The following PKNOX2 variants were observed in gnomAD, a reference collection of about 807,000 sequenced individuals.
PKNOX2 encodes PBX/knotted 1 homeobox 2.
A neutral mutation model predicts 53.1 loss-of-function variants in PKNOX2; 14 were observed. The ratio of observed to expected loss-of-function variants is 0.26; its 90% confidence interval spans 0.17 to 0.41. The LOEUF is 0.41. Ranked by LOEUF, PKNOX2 falls within the 10% of genes least tolerant of loss-of-function variation. The probability of loss-of-function intolerance (pLI) is 1.00; values close to 1 mark genes in which losing one functional copy is unlikely to be tolerated. For missense variants in PKNOX2, 496 were observed against 602.8 expected (o/e 0.82, Z 1.85); for synonymous variants, 257 against 242.8 (o/e 1.06, Z -0.54).
intron 2 of PKNOX2, among the ~76,000 whole-genome samples, chr11:125,262,952 C>T (rs889882573): frequency 1.3e-5 from 2 of 152,212 alleles, no homozygotes; most frequent in Non-Finnish European, 2.9e-5. Flanking sequence ...TCGCCCTCCC[C>T]GAGGTTGTGC....
chr11:125,414,060 AC>A (rs1339772688), intron 10 of PKNOX2, among the ~76,000 whole-genome samples: 14 of 151,912 alleles, frequency 9.2e-5, no homozygotes, highest in Non-Finnish European at 1.6e-4. Flanking sequence ...CTCACCTGGG[AC>A]CTCGGTTCAT....
At chr11:125,316,886 A>G (rs80071002) in intron 2 of PKNOX2, among the ~76,000 whole-genome samples, 4,422 of 152,320 alleles carry the variant, frequency 0.029, 159 homozygotes, top group East Asian at 0.18. Flanking sequence ...CCGTCTCACA[A>G]AAGATTTCTC....
chr11:125,284,227 C>A (rs1327763999), intron 2 of PKNOX2, among the ~76,000 whole-genome samples: 1 of 152,232 alleles, frequency 6.6e-6, no homozygotes, highest in Non-Finnish European at 1.5e-5. Flanking sequence ...ACACCACTGA[C>A]TTCCCTCCTA....
chr11:125,186,118 T>TC (rs1190672608), intron 1 of PKNOX2, among the ~76,000 whole-genome samples: 1 of 438 alleles, frequency 2.3e-3, no homozygotes, highest in Non-Finnish European at 5.3e-3. Flanking sequence ...TATCTCGTTA[T>TC]GGTTTGATTT....
At chr11:125,394,824 A>C (rs755362954) in intron 6 of PKNOX2, among the ~76,000 whole-genome samples, 10 of 152,232 alleles carry the variant, frequency 6.6e-5, no homozygotes, top group Non-Finnish European at 1.0e-4. Flanking sequence ...ATTTTGATAT[A>C]AATGTAGATT....
intron 10 of PKNOX2, among the ~76,000 whole-genome samples, chr11:125,415,062 T>C (rs1955798209): frequency 6.6e-6 from 1 of 152,152 alleles, no homozygotes; most frequent in Non-Finnish European, 1.5e-5. Context: ...CTTGCATCTC[T>C]GACTCTGTTG....
At chr11:125,404,762 AC>A (rs1954972458) in intron 7 of PKNOX2, among the ~76,000 whole-genome samples, 2 of 151,752 alleles carry the variant, frequency 1.3e-5, no homozygotes, top group South Asian at 4.2e-4. Flanking sequence ...TCAGAGAAAG[AC>A]CCCTCTTTCC....
chr11:125,202,291 C>T (rs1232027392), intron 1 of PKNOX2, among the ~76,000 whole-genome samples: 1 of 152,200 alleles, frequency 6.6e-6, no homozygotes, highest in Non-Finnish European at 1.5e-5. Context: ...TGCCCCTTTG[C>T]TTGCCCTGCC....
chr11:125,179,273 A>G (rs879589855), intron 1 of PKNOX2, among the ~76,000 whole-genome samples: 2 of 152,222 alleles, frequency 1.3e-5, no homozygotes, highest in East Asian at 1.9e-4. Flanking sequence ...GATGGCGAAC[A>G]GAGACGTTAC....
At chr11:125,395,882 T>C (rs1160132804) in intron 6 of PKNOX2, among the ~76,000 whole-genome samples, 2 of 152,126 alleles carry the variant, frequency 1.3e-5, no homozygotes, top group Non-Finnish European at 2.9e-5. Context: ...AGTCTTTTCC[T>C]CTTCTTCACA....
chr11:125,376,591 C>T (rs1472776225), intron 5 of PKNOX2, among the ~76,000 whole-genome samples: 1 of 152,218 alleles, frequency 6.6e-6, no homozygotes, highest in Non-Finnish European at 1.5e-5. Flanking sequence ...TCCAAGTCCC[C>T]CTAGTATGGA....
chr11:125,214,564 G>A (rs953587770), intron 1 of PKNOX2, among the ~76,000 whole-genome samples: 3 of 152,030 alleles, frequency 2.0e-5, no homozygotes, highest in Non-Finnish European at 4.4e-5. Context: ...TCTGAGTTTT[G>A]CCTGGGCTGG....
At chr11:125,283,408 T>G (rs2135863417) in intron 2 of PKNOX2, among the ~76,000 whole-genome samples, 1 of 152,254 alleles carries the variant, frequency 6.6e-6, no homozygotes, top group South Asian at 2.1e-4. Flanking sequence ...TCTGGAGAAT[T>G]TAGGAGCCAA....
chr11:125,346,762 G>GAGGAATGA (rs1271751107), intron 3 of PKNOX2, among the ~76,000 whole-genome samples: 6 of 151,434 alleles, frequency 4.0e-5, no homozygotes, highest in African/African-American at 1.5e-4. Context: ...GGAAGGAAGG[G>GAGGAATGA]AGGAAGGAGG....
intron 5 of PKNOX2, among the ~76,000 whole-genome samples, chr11:125,371,239 A>C (rs1267844734): frequency 6.6e-6 from 1 of 152,150 alleles, no homozygotes; most frequent in African/African-American, 2.4e-5. Context: ...GATTGGATGC[A>C]CATCGCGGGT....
chr11:125,352,145 C>A lies in PKNOX2; in HGVS notation c.87+753C>A, dbSNP rs186704958. 5.3e-5 allele frequency among the ~76,000 whole-genome samples: 8 copies of A among 152,290 alleles called. No homozygotes were observed. The highest frequency in any genetic ancestry group is 1.0e-4 in the Non-Finnish European group (7 of 68,026). ...GCCCTCCTACATCCTTTAGACCAGC[C>A]GCTTTTCCTTTTTGCTTCCCCCAGG... On this transcript the variant is annotated intron_variant, in intron 4 of 12. Transcript: ENST00000298282. The surrounding 1 kb of genome is among the most constrained non-coding windows in gnomAD (Gnocchi z 4.1).
chr11:125,375,563 T>G (rs988032273), intron 5 of PKNOX2, among the ~76,000 whole-genome samples: 1 of 152,210 alleles, frequency 6.6e-6, no homozygotes, highest in African/African-American at 2.4e-5. Context: ...GCACATCTGT[T>G]TGCTAATGAG....
chr11:125,379,064 T>A (rs893032238), intron 5 of PKNOX2, among the ~76,000 whole-genome samples: 5 of 150,886 alleles, frequency 3.3e-5, no homozygotes, highest in Non-Finnish European at 5.9e-5. Context: ...TCTTTTTTTT[T>A]TTTTTTTATT....
intron 2 of PKNOX2, among the ~76,000 whole-genome samples, chr11:125,273,696 C>T (rs889955654): frequency 1.3e-5 from 2 of 152,166 alleles, no homozygotes. Context: ...TTGGGCAACA[C>T]CCCATGTTTG....
Sources: allele counts gnomAD v4.1 joint callset (sites outside exome capture counted in the v4.1 genomes callset), GRCh38; gene constraint gnomAD v4.1.1; non-coding constraint Gnocchi (gnomAD v3.1); transcripts MANE v1.5; gene names NCBI Gene and HGNC (gene_info 2026-07-23, HGNC 2026-07-21).